The following MAGI3 variants were observed in gnomAD, a reference collection of about 807,000 sequenced individuals.
MAGI3 encodes the protein membrane-associated guanylate kinase, WW and PDZ domain-containing protein 3.
Under a neutral mutation model 121.8 loss-of-function variants are expected in MAGI3, and 43 were observed. That is an observed-to-expected ratio of 0.35 (90% CI 0.28 to 0.46). The LOEUF (loss-of-function observed/expected upper bound fraction) is 0.46, where lower values mean the gene tolerates loss of function less well. Among genes scored for constraint, MAGI3 ranks in the 20% least tolerant of loss-of-function variants. The probability of loss-of-function intolerance (pLI) is 1.00; values close to 1 mark genes in which losing one functional copy is unlikely to be tolerated. For synonymous variants in MAGI3, 553 were observed against 639.3 expected (o/e 0.86, Z 2.04); for missense variants, 1,547 against 1,797.3 (o/e 0.86, Z 2.52).
intron 1 of MAGI3, among the ~76,000 whole-genome samples, chr1:113,504,678 A>G (rs1657221122): frequency 6.6e-6 from 1 of 152,136 alleles, no homozygotes; most frequent in African/African-American, 2.4e-5. Context: ...TGGAAAATAC[A>G]CATACTCTAT....
chr1:113,469,530 C>T lies in MAGI3; in HGVS notation c.316+78181C>T, dbSNP rs573664448. Among the ~76,000 whole-genome samples, 481 of 149,784 alleles carry T rather than the reference C, an allele frequency of 3.2e-3. 1 individual carries two copies. Among genetic ancestry groups the T allele is most frequent in the African/African-American group, 0.011 (452 of 40,800 alleles). On this transcript the variant is annotated intron_variant, in intron 1 of 20. Coordinates refer to ENST00000307546, the MANE Select transcript of MAGI3 (RefSeq NM_001142782.2). ...AGCAAAGTCTTTTTTTTTTTCTGTTCGGCATCAGCTTTTATGTTTATACTT... is the reference window on the plus strand; with the variant it reads ...AGCAAAGTCTTTTTTTTTTTCTGTTTGGCATCAGCTTTTATGTTTATACTT...
chr1:113,598,571 T>TA (rs912196591), intron 6 of MAGI3, among the ~76,000 whole-genome samples: 29 of 149,460 alleles, frequency 1.9e-4, no homozygotes, highest in Admixed American at 4.7e-4. Context: ...CAACAACAGT[T>TA]AAAAAAAAAG....
Position 113,642,134 on chromosome 1 carries a change from T to A in MAGI3, c.1584T>A (p.Pro528=). The A allele has an allele frequency of 2.5e-6, 4 of 1,614,164 alleles. No individual in the cohort carries two copies. Among genetic ancestry groups the A allele is most frequent in the Non-Finnish European group, 3.4e-6 (4 of 1,180,038 alleles). Residue 528 remains proline (P), a synonymous_variant, in exon 10 of 21, where the codon CCT becomes CCA. Transcript: ENST00000307546. ...CCAAGGGAGAGACTTGCATGAATCC[T>A]CAGGATTTTAAGCCAGGAGCAATGG... ...SLTKGETCMN[P]QDFKPGAMVL...
At chr1:113,668,683 C>T (rs1323049561) in intron 16 of MAGI3, among the ~76,000 whole-genome samples, 27 of 148,816 alleles carry the variant, frequency 1.8e-4, no homozygotes, top group African/African-American at 2.2e-4. Context: ...CCCGGGTTCA[C>T]GCCATTCTCC....
At chr1:113,515,158 G>T (rs564688429) in intron 1 of MAGI3, among the ~76,000 whole-genome samples, 1 of 152,078 alleles carries the variant, frequency 6.6e-6, no homozygotes, top group East Asian at 1.9e-4. Context: ...AGTAAAAATG[G>T]TAAAAAAAAA....
chr1:113,433,292 C>A (rs1442325104), intron 1 of MAGI3, among the ~76,000 whole-genome samples: 1 of 152,100 alleles, frequency 6.6e-6, no homozygotes, highest in African/African-American at 2.4e-5. Flanking sequence ...ACCAGAGAGG[C>A]AACTATGATC....
chr1:113,682,125 A>C lies in MAGI3; in HGVS notation c.3329-772A>C, dbSNP rs752614479. The C allele has an allele frequency of 2.8e-6, 4 of 1,444,984 alleles. No individual in the cohort carries two copies. In the Admixed American group the frequency reaches 8.7e-5, roughly 31 times the overall value. 89.5% of individuals were successfully genotyped at this position (1,444,984 alleles called of 1,614,324 possible). ...ATCTTCCACCATCTGCTTGTAAATC[A>C]TATGTTCCCAGTGACATCTTTGCTA... On this transcript the variant is annotated intron_variant, in intron 20 of 20. Transcript: ENST00000307546.
intron 6 of MAGI3, among the ~76,000 whole-genome samples, chr1:113,611,086 T>C (rs1650102228): frequency 6.7e-6 from 1 of 149,098 alleles, no homozygotes; most frequent in Admixed American, 6.8e-5. Flanking sequence ...TTCATAATTA[T>C]TCTTTTTTTT....
At chr1:113,617,649 G>T (rs551722126) in intron 7 of MAGI3, among the ~76,000 whole-genome samples, 120 of 152,292 alleles carry the variant, frequency 7.9e-4, no homozygotes, top group Non-Finnish European at 5.0e-4. Flanking sequence ...TCTAATGCCT[G>T]GGTGGCAAAG....
intron 1 of MAGI3, among the ~76,000 whole-genome samples, chr1:113,478,605 C>T (rs928804894): frequency 2.6e-5 from 4 of 152,286 alleles, no homozygotes; most frequent in Admixed American, 2.6e-4. Flanking sequence ...GCTGCCTGAT[C>T]CTTCCTCTGG....
chr1:113,512,194 CA>C (rs1657648658), intron 1 of MAGI3, among the ~76,000 whole-genome samples: 1 of 152,104 alleles, frequency 6.6e-6, no homozygotes, highest in African/African-American at 2.4e-5. Context: ...TAAAGCAAAA[CA>C]TTTTTTTCTG....
chr1:113,679,845 A>G (rs1479931892), intron 19 of MAGI3, among the ~76,000 whole-genome samples: 2 of 151,912 alleles, frequency 1.3e-5, no homozygotes, highest in Non-Finnish European at 2.9e-5. Flanking sequence ...AGCTGGGATT[A>G]CAGGCATGCG....
chr1:113,645,977 G>A (rs930656378), intron 11 of MAGI3, among the ~76,000 whole-genome samples: 9 of 152,086 alleles, frequency 5.9e-5, no homozygotes, highest in African/African-American at 2.2e-4. Context: ...GGCCAGACAG[G>A]GTTTTCACAG....
intron 13 of MAGI3, 76 bp from the exon 14 acceptor site, chr1:113,650,938 T>C (rs945729616): frequency 4.5e-6 from 6 of 1,336,724 alleles, no homozygotes; most frequent in Non-Finnish European, 4.2e-6. Flanking sequence ...GTTTGCACAA[T>C]GCTAAGTTAG....
intron 7 of MAGI3, among the ~76,000 whole-genome samples, chr1:113,616,016 A>G (rs1403352576): frequency 6.6e-6 from 1 of 152,182 alleles, no homozygotes; most frequent in Non-Finnish European, 1.5e-5. Flanking sequence ...CATTTCTGAG[A>G]TAATGATTCT....
At chr1:113,542,045 T>C (rs201825140) in intron 1 of MAGI3, among the ~76,000 whole-genome samples, 1 of 152,172 alleles carries the variant, frequency 6.6e-6, no homozygotes, top group East Asian at 1.9e-4. Context: ...CTTAGTGAAG[T>C]CTTCCCATAA....
chr1:113,517,743 CA>C (rs371702953), intron 1 of MAGI3, among the ~76,000 whole-genome samples: 47 of 152,040 alleles, frequency 3.1e-4, no homozygotes, highest in African/African-American at 1.1e-3. Context: ...TCAGAGTAAG[CA>C]TCTATCTATA....
chr1:113,656,032 G>A (rs142136469), intron 15 of MAGI3, among the ~76,000 whole-genome samples: 340 of 152,280 alleles, frequency 2.2e-3, no homozygotes, highest in African/African-American at 7.8e-3. Flanking sequence ...TAAGATTGAG[G>A]CAGCAGCTAA....
chr1:113,406,831 C>A (rs11102625), intron 1 of MAGI3, among the ~76,000 whole-genome samples: 79,420 of 152,004 alleles, frequency 0.52, 21,627 homozygotes, highest in African/African-American at 0.64. Flanking sequence ...ATTTCCTTAG[C>A]ACTTTTAATG....
Sources: allele counts gnomAD v4.1 joint callset (sites outside exome capture counted in the v4.1 genomes callset), GRCh38; gene constraint gnomAD v4.1.1; transcripts MANE v1.5; gene names NCBI Gene and HGNC (gene_info 2026-07-23, HGNC 2026-07-21).